KYAT1: variants seen among roughly 807,000 people sequenced by gnomAD.
KYAT1 encodes the protein kynurenine aminotransferase 1.
A neutral mutation model predicts 52.4 loss-of-function variants in KYAT1; 47 were observed. That is an observed-to-expected ratio of 0.90 (90% CI 0.71 to 1.14). KYAT1 has a LOEUF of 1.14. Among genes scored for constraint, KYAT1 ranks in the 50% most tolerant of loss-of-function variants. The probability of loss-of-function intolerance (pLI) is 0.00; values close to 1 mark genes in which losing one functional copy is unlikely to be tolerated. For synonymous variants in KYAT1, 212 were observed against 209.6 expected (o/e 1.01, Z -0.10); for missense variants, 480 against 557.9 (o/e 0.86, Z 1.41).
chr9:128,850,784 T>C (rs769038851), intron 1 of KYAT1, among the ~76,000 whole-genome samples: 2 of 152,202 alleles, frequency 1.3e-5, no homozygotes, highest in Admixed American at 6.5e-5. Context: ...AAAACCTGAT[T>C]ATACATTTGT....
chr9:128,841,095 G>T (rs1832071081), intron 3 of KYAT1, among the ~76,000 whole-genome samples: 1 of 152,224 alleles, frequency 6.6e-6, no homozygotes, highest in Non-Finnish European at 1.5e-5. Context: ...AGTGCGGTCG[G>T]GTGCGGTGGC....
Position 128,835,585 on chromosome 9 carries a change from A to C in KYAT1, c.938T>G (p.Met313Arg), listed in dbSNP as rs1830915172. Reference protein sequence around the residue: ...SSYFVQFPQAMQRCRDHMIRS... With the variant: ...SSYFVQFPQARQRCRDHMIRS... ...TATCATGTGGTCACGGCAGCGCTGC[A>C]TGGCCTGCGGGAACTGCACAAAGTA... The change falls in exon 10 of 13, where the codon ATG (methionine) becomes AGG (arginine). Residue 313 changes from methionine (M) to arginine (R), a missense_variant. Transcript: ENST00000302586. 2.5e-6 allele frequency: 4 copies of C among 1,613,276 alleles called. No individual in the cohort carries two copies. Among genetic ancestry groups the C allele is most frequent in the East Asian group, 2.2e-5 (1 of 44,884 alleles).
rs774466852 is a variant in KYAT1, at chr9:128,835,882, G to A, written c.766-14C>T. 1.5e-5 allele frequency: 24 copies of A among 1,613,392 alleles called. No homozygotes were observed. Among genetic ancestry groups the A allele is most frequent in the South Asian group, 7.7e-5 (7 of 91,082 alleles). Reference sequence around the variant, plus strand: ...GACCCAGCCCACCTGCAGCAGGGGCGCAGGTAGGGGGAGAGGTCCTTCCAG... The same window carrying A: ...GACCCAGCCCACCTGCAGCAGGGGCACAGGTAGGGGGAGAGGTCCTTCCAG... On this transcript the variant is annotated splice_polypyrimidine_tract_variant and intron_variant, in intron 8 of 12. Coordinates refer to ENST00000302586, the MANE Select transcript of KYAT1 (RefSeq NM_004059.5).
chr9:128,852,382 A>C (rs1588102029), intron 1 of KYAT1, among the ~76,000 whole-genome samples: 1 of 152,330 alleles, frequency 6.6e-6, no homozygotes, highest in East Asian at 1.9e-4. Context: ...TGCTTTTACT[A>C]TACCAGCCGT....
chr9:128,841,591 G>A (rs533521813), intron 3 of KYAT1, among the ~76,000 whole-genome samples: 1 of 151,672 alleles, frequency 6.6e-6, no homozygotes, highest in South Asian at 2.1e-4. Flanking sequence ...AGCTACTCGG[G>A]AGGCTGAGGC....
intron 1 of KYAT1, among the ~76,000 whole-genome samples, chr9:128,870,591 C>T (rs1275337476): frequency 6.6e-6 from 1 of 152,036 alleles, no homozygotes; most frequent in Non-Finnish European, 1.5e-5. Flanking sequence ...GAGCTGAGGT[C>T]ATGACACTGC....
intron 1 of KYAT1, among the ~76,000 whole-genome samples, chr9:128,873,962 A>C (rs1837603993): frequency 8.0e-6 from 1 of 124,662 alleles, no homozygotes; most frequent in African/African-American, 3.0e-5. Context: ...AAAAAAAAAA[A>C]GAATATTCTG....
At chr9:128,862,159 A>G (rs1835548212) in intron 1 of KYAT1, among the ~76,000 whole-genome samples, 1 of 152,056 alleles carries the variant, frequency 6.6e-6, no homozygotes, top group South Asian at 2.1e-4. Context: ...ATCTCAAGTG[A>G]ATTGAGCTAA....
intron 1 of KYAT1, among the ~76,000 whole-genome samples, chr9:128,875,615 C>G (rs1007048824): frequency 5.3e-5 from 8 of 150,408 alleles, no homozygotes; most frequent in African/African-American, 2.0e-4. Flanking sequence ...CAGAGCAAGA[C>G]TCCGCTTCAA....
At chr9:128,836,380 C>T (rs1023458992) in intron 7 of KYAT1, among the ~76,000 whole-genome samples, 1 of 151,008 alleles carries the variant, frequency 6.6e-6, no homozygotes, top group Non-Finnish European at 1.5e-5. Flanking sequence ...CTCACTGCAA[C>T]CTCCGCCTCC....
rs578197468 is a variant in KYAT1, at chr9:128,842,518, C to T, written c.201+136G>A. 1.7e-4 allele frequency: 147 copies of T among 875,966 alleles called. No individual in the cohort carries two copies. In the African/African-American group the frequency reaches 2.1e-3, roughly 12 times the overall value. 54.3% of individuals were successfully genotyped at this position (875,966 alleles called of 1,614,324 possible). A position where few individuals can be genotyped will look rare whatever the true frequency, so the allele number is the denominator to read the frequency against. On this transcript the variant is annotated intron_variant, in intron 3 of 12. Transcript: ENST00000302586. ...AAGGCTCTGGGACAGAGGATACGCT[C>T]AGTAAACACTGAACTATGGTCATAC...
intron 1 of KYAT1, among the ~76,000 whole-genome samples, chr9:128,868,835 A>G (rs1310703383): frequency 6.6e-6 from 1 of 151,188 alleles, no homozygotes; most frequent in Non-Finnish European, 1.5e-5. Flanking sequence ...CCTCCTGAGT[A>G]GCTGGGACTA....
chr9:128,851,085 G>A (rs184816064), intron 1 of KYAT1, among the ~76,000 whole-genome samples: 6 of 152,294 alleles, frequency 3.9e-5, no homozygotes, highest in East Asian at 1.9e-4. Flanking sequence ...CTCAGAGACC[G>A]GTACTGGTGC....
chr9:128,876,699 A>T (rs1196747570), intron 1 of KYAT1, among the ~76,000 whole-genome samples: 1 of 149,154 alleles, frequency 6.7e-6, no homozygotes, highest in Non-Finnish European at 1.5e-5. Flanking sequence ...GATTACAGGC[A>T]TGAGCCACGG....
intron 11 of KYAT1, among the ~76,000 whole-genome samples, chr9:128,834,094 C>T (rs1228433606): frequency 6.6e-6 from 1 of 152,126 alleles, no homozygotes; most frequent in Non-Finnish European, 1.5e-5. Flanking sequence ...CCCGTCTCTA[C>T]CAAAAATACA....
intron 1 of KYAT1, among the ~76,000 whole-genome samples, chr9:128,851,087 T>C (rs1038083873): frequency 6.6e-6 from 1 of 152,192 alleles, no homozygotes; most frequent in Admixed American, 6.5e-5. Flanking sequence ...CAGAGACCGG[T>C]ACTGGTGCAG....
chr9:128,851,558 T>G (rs1833962302), intron 1 of KYAT1, among the ~76,000 whole-genome samples: 1 of 152,146 alleles, frequency 6.6e-6, no homozygotes, highest in Admixed American at 6.6e-5. Flanking sequence ...GGGAAAAAAT[T>G]GGCAAGGAAT....
intron 2 of KYAT1, 123 bp downstream of exon 2, chr9:128,845,230 G>T: frequency 1.4e-6 from 1 of 727,306 alleles, no homozygotes; most frequent in Non-Finnish European, 2.3e-6. Context: ...CTGAGCTATG[G>T]CTGGAATCTG....
intron 3 of KYAT1, chr9:128,842,089 G>A (rs996015756): frequency 2.9e-6 from 1 of 341,782 alleles, no homozygotes; most frequent in African/African-American, 2.2e-5. Flanking sequence ...TTACTCCAGA[G>A]GCTGAGGTGG....
Sources: allele counts gnomAD v4.1 joint callset (sites outside exome capture counted in the v4.1 genomes callset), GRCh38; gene constraint gnomAD v4.1.1; transcripts MANE v1.5; gene names NCBI Gene and HGNC (gene_info 2026-07-23, HGNC 2026-07-21).